Variants in ZCCHC7 observed in about 807,000 individuals in gnomAD.
The protein encoded by ZCCHC7 is zinc finger CCHC domain-containing protein 7.
In ZCCHC7, 35 loss-of-function variants were observed where a neutral mutation model predicts 52.0. That is an observed-to-expected ratio of 0.67 (90% CI 0.51 to 0.89). ZCCHC7 has a LOEUF of 0.89. Among genes scored for constraint, ZCCHC7 ranks in the 40% least tolerant of loss-of-function variants. The pLI, the probability that ZCCHC7 is intolerant of heterozygous loss-of-function variation, is 0.00. For synonymous variants in ZCCHC7, 217 were observed against 221.5 expected (o/e 0.98, Z 0.18); for missense variants, 574 against 649.1 (o/e 0.88, Z 1.26).
Position 37,126,437 on chromosome 9 carries a change from C to T in ZCCHC7, c.105C>T (p.Leu35=). ...LSVDSEVEFQ[L]YSQIHYAQDL... ...TTGATAGTGAGGTGGAATTTCAACT[C>T]TATAGCCAAATTCATTATGCCCAAG... The change falls in exon 2 of 9, where the codon CTC becomes CTT. Residue 35 remains leucine, a synonymous_variant. Transcript: ENST00000336755. 6.2e-7 allele frequency: 1 copy of T among 1,613,832 alleles called. No individual in the cohort carries two copies. Among genetic ancestry groups the T allele is most frequent in the Non-Finnish European group, 8.5e-7 (1 of 1,180,020 alleles).
At chr9:37,333,762 G>A (rs1028321345) in intron 6 of ZCCHC7, 1 of 151,544 alleles carries the variant, frequency 6.6e-6, no homozygotes. Flanking sequence ...AGTGCTTCTT[G>A]TTTTAACATA....
At chr9:37,209,540 C>T (rs538703534) in intron 2 of ZCCHC7, among the ~76,000 whole-genome samples, 1 of 152,118 alleles carries the variant, frequency 6.6e-6, no homozygotes, top group South Asian at 2.1e-4. Flanking sequence ...TTTTCTCTCC[C>T]CCTTTTCTTA....
intron 2 of ZCCHC7, among the ~76,000 whole-genome samples, chr9:37,197,265 C>T (rs908775230): frequency 5.3e-5 from 8 of 152,164 alleles, no homozygotes; most frequent in Non-Finnish European, 1.0e-4. Flanking sequence ...GCCTAATCCT[C>T]ATGAGAATTC....
At chr9:37,194,150 A>G (rs986153841) in intron 2 of ZCCHC7, among the ~76,000 whole-genome samples, 2 of 152,196 alleles carry the variant, frequency 1.3e-5, no homozygotes, top group Non-Finnish European at 2.9e-5. Flanking sequence ...ACTCTAAAAA[A>G]TTGGGTACTT....
chr9:37,355,525 G>A (rs998628933), intron 8 of ZCCHC7, among the ~76,000 whole-genome samples: 2 of 151,986 alleles, frequency 1.3e-5, no homozygotes, highest in Admixed American at 6.6e-5. Flanking sequence ...CAAAATGAAG[G>A]TACTAATTCT....
chr9:37,152,283 T>G (rs1348742008), intron 2 of ZCCHC7, among the ~76,000 whole-genome samples: 1 of 152,068 alleles, frequency 6.6e-6, no homozygotes, highest in Non-Finnish European at 1.5e-5. Flanking sequence ...ACAGAAAAAT[T>G]GCAAAGATAG....
chr9:37,354,679 G>A lies in ZCCHC7; in HGVS notation c.1084-31G>A. ...AAAGGTTTTTGAACAGTGTGACCAT[G>A]TGACATCATAATTTTACATACAATT... On this transcript the variant is annotated intron_variant, in intron 7 of 8. Coordinates refer to ENST00000336755, the MANE Select transcript of ZCCHC7 (RefSeq NM_032226.3). This position sits in a 1 kb window ranked among gnomAD's most constrained non-coding sequence, Gnocchi z 4.0. 2 of 1,515,382 alleles carry A rather than the reference G, an allele frequency of 1.3e-6. No individual in the cohort carries two copies. The highest frequency in any genetic ancestry group is 1.4e-5 in the African/African-American group (1 of 72,556). 93.9% of individuals were successfully genotyped at this position (1,515,382 alleles called of 1,614,324 possible).
chr9:37,220,655 A>G (rs1824764157), intron 2 of ZCCHC7, among the ~76,000 whole-genome samples: 1 of 152,144 alleles, frequency 6.6e-6, no homozygotes, highest in Non-Finnish European at 1.5e-5. Flanking sequence ...GAATCATGAA[A>G]AATTTCTTGT....
At chr9:37,122,431 A>T (rs1476148842) in intron 1 of ZCCHC7, among the ~76,000 whole-genome samples, 1 of 152,208 alleles carries the variant, frequency 6.6e-6, no homozygotes, top group East Asian at 1.9e-4. Flanking sequence ...CATGGGATTG[A>T]TAGTTTTTGA....
intron 2 of ZCCHC7, among the ~76,000 whole-genome samples, chr9:37,290,268 G>A (rs1186549369): frequency 1.1e-4 from 17 of 152,146 alleles, no homozygotes; most frequent in Admixed American, 1.1e-3. Flanking sequence ...GGGAATAATT[G>A]TAATGTTTAG....
intron 2 of ZCCHC7, among the ~76,000 whole-genome samples, chr9:37,133,638 G>T (rs568053620): frequency 6.6e-6 from 1 of 152,192 alleles, no homozygotes; most frequent in East Asian, 1.9e-4. Flanking sequence ...ACCCAGCCTG[G>T]AGTGCGGTGG....
intron 5 of ZCCHC7, among the ~76,000 whole-genome samples, chr9:37,314,511 G>A (rs1829727004): frequency 1.3e-5 from 2 of 152,190 alleles, no homozygotes; most frequent in Admixed American, 1.3e-4. Flanking sequence ...AACAAATTCT[G>A]GGACATAATT....
chr9:37,189,103 T>A (rs1822881771), intron 2 of ZCCHC7, among the ~76,000 whole-genome samples: 1 of 148,924 alleles, frequency 6.7e-6, no homozygotes, highest in African/African-American at 2.5e-5. Context: ...TTCTAAATTT[T>A]GCATTTGATT....
chr9:37,355,798 C>G (rs1367413207), intron 8 of ZCCHC7, among the ~76,000 whole-genome samples: 2 of 152,122 alleles, frequency 1.3e-5, no homozygotes, highest in African/African-American at 4.8e-5. Flanking sequence ...TTAAGTGGAC[C>G]CACGTAGTTC....
At chr9:37,275,154 A>T (rs535934296) in intron 2 of ZCCHC7, among the ~76,000 whole-genome samples, 2 of 152,234 alleles carry the variant, frequency 1.3e-5, no homozygotes, top group Non-Finnish European at 2.9e-5. Flanking sequence ...ACAAGATATT[A>T]CCAGCATAGT....
intron 2 of ZCCHC7, among the ~76,000 whole-genome samples, chr9:37,231,507 T>C (rs554189): frequency 2.6e-5 from 4 of 152,192 alleles, no homozygotes; most frequent in South Asian, 2.1e-4. Context: ...AGCTGTTGTT[T>C]TGTATATTTT....
chr9:37,330,744 A>G (rs1272199311), intron 6 of ZCCHC7, among the ~76,000 whole-genome samples: 2 of 151,502 alleles, frequency 1.3e-5, no homozygotes, highest in Admixed American at 1.3e-4. Context: ...TCATCTTTCA[A>G]ATAACTCATT....
chr9:37,329,380 A>C (rs1830367929), intron 6 of ZCCHC7, among the ~76,000 whole-genome samples: 2 of 151,876 alleles, frequency 1.3e-5, no homozygotes, highest in Non-Finnish European at 2.9e-5. Flanking sequence ...AAAAAGAATC[A>C]TTAGGAAAAA....
intron 2 of ZCCHC7, among the ~76,000 whole-genome samples, chr9:37,189,373 T>C (rs1822895495): frequency 6.6e-6 from 1 of 152,170 alleles, no homozygotes; most frequent in Admixed American, 6.5e-5. Flanking sequence ...GGTTTAATGC[T>C]GTGATGAATG....
Sources: allele counts gnomAD v4.1 joint callset (sites outside exome capture counted in the v4.1 genomes callset), GRCh38; gene constraint gnomAD v4.1.1; non-coding constraint Gnocchi (gnomAD v3.1); transcripts MANE v1.5; gene names NCBI Gene and HGNC (gene_info 2026-07-23, HGNC 2026-07-21).